Variants in FADS2 observed in about 807,000 individuals in gnomAD.
The protein encoded by FADS2 is fatty acid desaturase 2.
Under a neutral mutation model 61.2 loss-of-function variants are expected in FADS2, and 18 were observed. The observed-to-expected ratio is 0.29, with a 90% CI of 0.20 to 0.44. FADS2 has a LOEUF of 0.44. FADS2 is among the 20% of genes least tolerant of loss of function. The pLI is 1.00. For missense variants in FADS2, 322 were observed against 572.7 expected, an observed-to-expected ratio of 0.56 and a Z score of 4.47; for synonymous variants, 203 against 223.9, an observed-to-expected ratio of 0.91 and a Z score of 0.83.
chr11:61,825,052 A>G (rs1331748981), upstream of FADS2, among the ~76,000 whole-genome samples: 1 of 152,010 alleles, frequency 6.6e-6, no homozygotes, highest in African/African-American at 2.4e-5. Flanking sequence ...TTATCTGGGC[A>G]TGGTGCCACC....
intron 5 of FADS2, among the ~76,000 whole-genome samples, chr11:61,850,789 G>A (rs1478466875): frequency 6.6e-6 from 1 of 152,160 alleles, no homozygotes; most frequent in Non-Finnish European, 1.5e-5. Flanking sequence ...GGTTCAATCA[G>A]CATCTGCCAA....
chr11:61,834,808 C>A (rs1226305094), intron 1 of FADS2, among the ~76,000 whole-genome samples: 2 of 152,116 alleles, frequency 1.3e-5, no homozygotes, highest in African/African-American at 4.8e-5. Flanking sequence ...TCAGGCCCAG[C>A]CCTGGGCCCT....
chr11:61,816,779 G>T lies in FADS2; in HGVS notation c.141+353G>T, dbSNP rs1449673271. ...GCCATAGCTGGCCTGGCGACGCCGC[G>T]CGCCGGGCCAGCAGGGGCTGTCAGG... On this transcript the variant is annotated intron_variant, in intron 1 of 11. Transcript: ENST00000257261. This position sits in a 1 kb window ranked among gnomAD's most constrained non-coding sequence, Gnocchi z 7.0. 2.0e-6 allele frequency: 3 copies of T among 1,520,322 alleles called. No individual in the cohort carries two copies. In the East Asian group the frequency reaches 7.6e-5, roughly 38 times the overall value. 94.2% of individuals were successfully genotyped at this position (1,520,322 alleles called of 1,614,324 possible).
intron 7 of FADS2, among the ~76,000 whole-genome samples, chr11:61,859,782 C>T (rs562831497): frequency 1.6e-4 from 24 of 152,076 alleles, no homozygotes; most frequent in African/African-American, 5.6e-4. Flanking sequence ...GTCAGGAGTT[C>T]GAGACCAGCC....
At chr11:61,846,131 CTT>C (rs550169322) in intron 4 of FADS2, among the ~76,000 whole-genome samples, 413 of 130,426 alleles carry the variant, frequency 3.2e-3, no homozygotes, top group Middle Eastern at 0.012. Flanking sequence ...TCTTTCTTTT[CTT>C]TTTTTTTTTT....
chr11:61,842,537 C>T (rs567619008), intron 4 of FADS2, among the ~76,000 whole-genome samples: 1 of 152,330 alleles, frequency 6.6e-6, no homozygotes, highest in Admixed American at 6.5e-5. Context: ...TGAGGGGCCC[C>T]AGAGCACGGC....
chr11:61,843,754 G>A (rs1345270666), intron 4 of FADS2, among the ~76,000 whole-genome samples: 1 of 152,180 alleles, frequency 6.6e-6, no homozygotes, highest in Non-Finnish European at 1.5e-5. Flanking sequence ...CGTCTCCCGG[G>A]TTCAAGCGAT....
chr11:61,816,237 C>T, upstream of FADS2: 2 of 1,595,158 alleles, frequency 1.3e-6, no homozygotes, highest in East Asian at 4.5e-5. This position sits in a 1 kb window ranked among gnomAD's most constrained non-coding sequence, Gnocchi z 7.0. Context: ...CTACCCAGCT[C>T]GGGGTTCTGT....
chr11:61,820,814 C>T (rs1314255961), intron 1 of FADS2, among the ~76,000 whole-genome samples: 2 of 152,178 alleles, frequency 1.3e-5, no homozygotes, highest in South Asian at 4.2e-4. Flanking sequence ...GCAGGAGAAT[C>T]GCTTGAACCC....
chr11:61,848,124 T>C (rs1380225122), intron 4 of FADS2, 35 bp from the exon 5 acceptor site: 1 of 1,613,772 alleles, frequency 6.2e-7, no homozygotes, highest in Admixed American at 1.7e-5. Context: ...CCCTGGTGGC[T>C]TGCATGGCTC....
At position 61,857,443 on chromosome 11, in the gene FADS2, C is replaced by G. The variant is rs982852703; in HGVS notation, c.806-11C>G. On this transcript the variant is annotated splice_polypyrimidine_tract_variant and intron_variant, in intron 6 of 11. Coordinates refer to ENST00000278840, the MANE Select transcript of FADS2 (RefSeq NM_004265.4). ...AATGGATGCCTCTAAGCGCCTGTCT[C>G]TCTCCTGCAGTTGGGCCGCCGCTGC... 2.5e-6 allele frequency: 4 copies of G among 1,613,336 alleles called. No individual in the cohort carries two copies. Among genetic ancestry groups the G allele is most frequent in the Non-Finnish European group, 3.4e-6 (4 of 1,179,500 alleles).
At chr11:61,818,156 G>A (rs1208072511) in intron 1 of FADS2, among the ~76,000 whole-genome samples, 3 of 152,224 alleles carry the variant, frequency 2.0e-5, no homozygotes, top group Non-Finnish European at 4.4e-5. Flanking sequence ...GGGTGATACA[G>A]AATAGACTAG....
chr11:61,865,761 G>T lies in FADS2; in HGVS notation c.*72G>T. 3 of 1,324,020 alleles carry T rather than the reference G, an allele frequency of 2.3e-6. No homozygotes were observed. The highest frequency in any genetic ancestry group is 1.9e-5 in the Admixed American group (1 of 52,642). The allele number at this position is 1,324,020 out of a possible 1,614,324, so 82.0% of individuals were successfully genotyped here. On this transcript the variant is annotated 3_prime_UTR_variant, in exon 12 of 12. Coordinates refer to ENST00000278840, the MANE Select transcript of FADS2 (RefSeq NM_004265.4). This position sits in a 1 kb window ranked among gnomAD's most constrained non-coding sequence, Gnocchi z 4.1. ...ATGGCCAGAGGAATGATGGGCTTTT[G>T]TTCTGAGGGGTGTCCGAGAGGCTGG...
At chr11:61,830,774 A>G (rs2067122213) in intron 1 of FADS2, among the ~76,000 whole-genome samples, 1 of 152,214 alleles carries the variant, frequency 6.6e-6, no homozygotes, top group African/African-American at 2.4e-5. Context: ...GTACACCTGT[A>G]CCTGTTTCAA....
chr11:61,851,794 C>G (rs368321342), intron 5 of FADS2, among the ~76,000 whole-genome samples: 3 of 152,252 alleles, frequency 2.0e-5, no homozygotes, highest in African/African-American at 7.2e-5. Context: ...GTGAATAGCG[C>G]GGGCTCCGCA....
rs971428253 is a variant in FADS2 at position 61,819,076 on chromosome 11, A to G, written c.141+2650A>G. On this transcript the variant is annotated intron_variant, in intron 1 of 11. Coordinates refer to the FADS2 transcript ENST00000257261. The stretch of plus-strand genomic sequence containing the variant: ...TTTTTAGTAGAGTTGGGGTTTCACC[A>G]TGTTAGCCAGGATGGCTTTGATCTC... 5.9e-5 allele frequency among the ~76,000 whole-genome samples: 9 copies of G among 152,052 alleles called. No individual in the cohort carries two copies. In the East Asian group the frequency reaches 1.4e-3, roughly 23 times the overall value.
intron 7 of FADS2, 37 bp from the exon 8 acceptor site, chr11:61,862,935 G>A (rs768249034): frequency 6.5e-7 from 1 of 1,550,366 alleles, no homozygotes; most frequent in Non-Finnish European, 8.9e-7. Flanking sequence ...GGGCAGAGGA[G>A]AGGGCAGGTT....
chr11:61,865,768 G>A lies in FADS2; in HGVS notation c.*79G>A. 7.8e-7 allele frequency: 1 copy of A among 1,286,760 alleles called. No homozygotes were observed. The highest frequency in any genetic ancestry group is 1.1e-6 in the Non-Finnish European group (1 of 902,724). 79.7% of individuals were successfully genotyped at this position (1,286,760 alleles called of 1,614,324 possible). Reference sequence around the variant, plus strand: ...GAGGAATGATGGGCTTTTGTTCTGAGGGGTGTCCGAGAGGCTGGTGTATGC... The same window carrying A: ...GAGGAATGATGGGCTTTTGTTCTGAAGGGTGTCCGAGAGGCTGGTGTATGC... On this transcript the variant is annotated 3_prime_UTR_variant, in exon 12 of 12. Transcript: ENST00000278840. This position sits in a 1 kb window ranked among gnomAD's most constrained non-coding sequence, Gnocchi z 4.1.
intron 6 of FADS2, 31 bp downstream of exon 6, chr11:61,857,102 G>T: frequency 6.3e-7 from 1 of 1,592,802 alleles, no homozygotes; most frequent in Non-Finnish European, 8.6e-7. Flanking sequence ...AATCACTCTG[G>T]GACCCTCCCC....
Sources: allele counts gnomAD v4.1 joint callset (sites outside exome capture counted in the v4.1 genomes callset), GRCh38; gene constraint gnomAD v4.1.1; non-coding constraint Gnocchi (gnomAD v3.1); transcripts MANE v1.5; gene names NCBI Gene and HGNC (gene_info 2026-07-23, HGNC 2026-07-21).